The following MATCAP2 variants were observed in gnomAD, a reference collection of about 807,000 sequenced individuals.
MATCAP2 encodes microtubule associated tyrosine carboxypeptidase 2.
At chr7:36,383,793 T>G in the MATCAP2 span, 2 of 1,092,530 alleles carry the variant, frequency 1.8e-6, no homozygotes, top group Non-Finnish European at 2.7e-6. Flanking sequence ...GCACATGTAC[T>G]CCAGAACTTA....
chr7:36,328,244 G>GGA, the MATCAP2 span, among the ~76,000 whole-genome samples: 7 of 128,362 alleles, frequency 5.5e-5, 2 homozygotes, highest in Admixed American at 7.5e-5. Flanking sequence ...TTTTGTAGGG[G>GGA]GGGGGGGTCT....
At chr7:36,368,238 T>A in the MATCAP2 span, 1 of 152,090 alleles carries the variant, frequency 6.6e-6, no homozygotes. Context: ...CAACTGTCAG[T>A]CTTCAGACAG....
the MATCAP2 span, chr7:36,356,564 T>C: frequency 6.8e-6 from 3 of 442,556 alleles, no homozygotes; most frequent in Admixed American, 3.9e-5. Flanking sequence ...AAAAACGTAG[T>C]GTGGGCTACC....
At chr7:36,386,250 C>T in the MATCAP2 span, among the ~76,000 whole-genome samples, 1 of 151,844 alleles carries the variant, frequency 6.6e-6, no homozygotes, top group African/African-American at 2.4e-5. Flanking sequence ...GCTAAGACAA[C>T]TGGTTATCCA....
the MATCAP2 span, among the ~76,000 whole-genome samples, chr7:36,343,102 T>A: frequency 6.6e-6 from 1 of 151,918 alleles, no homozygotes; most frequent in Non-Finnish European, 1.5e-5. Flanking sequence ...ATGAATAATT[T>A]AAAATGGTCC....
the MATCAP2 span, among the ~76,000 whole-genome samples, chr7:36,352,825 CAA>C: frequency 3.1e-4 from 32 of 104,238 alleles, no homozygotes; most frequent in East Asian, 7.2e-4. Flanking sequence ...ACTCCCATCT[CAA>C]AAAAAAAAAA....
the MATCAP2 span, among the ~76,000 whole-genome samples, chr7:36,363,915 G>A: frequency 5.9e-5 from 9 of 152,086 alleles, no homozygotes; most frequent in East Asian, 1.9e-4. Context: ...TAGAAACACC[G>A]CATGGAAAAA....
At chr7:36,340,831 A>G in the MATCAP2 span, among the ~76,000 whole-genome samples, 1 of 152,236 alleles carries the variant, frequency 6.6e-6, no homozygotes, top group African/African-American at 2.4e-5. Flanking sequence ...ATCAGTGAAT[A>G]TTTTGTTACA....
At chr7:36,336,082 T>TAAATA in the MATCAP2 span, 31 of 1,156,072 alleles carry the variant, frequency 2.7e-5, 1 homozygote, top group Middle Eastern at 6.7e-4. Context: ...AAAAATAAAA[T>TAAATA]AAATAAAATA....
At chr7:36,352,954 T>C in the MATCAP2 span, among the ~76,000 whole-genome samples, 5 of 151,984 alleles carry the variant, frequency 3.3e-5, no homozygotes, top group Non-Finnish European at 7.4e-5. Flanking sequence ...TCCCAGAAGG[T>C]GCCTTGTCTA....
chr7:36,379,845 C>CAGAGAG, the MATCAP2 span, among the ~76,000 whole-genome samples: 6 of 125,310 alleles, frequency 4.8e-5, no homozygotes, highest in African/African-American at 1.4e-4. Flanking sequence ...CACACACACA[C>CAGAGAG]ACAGAGAGAG....
the MATCAP2 span, chr7:36,357,378 A>G: frequency 6.2e-7 from 1 of 1,613,996 alleles, no homozygotes; most frequent in South Asian, 1.1e-5. Context: ...CATCTTTTGG[A>G]GTAGGTGGAG....
At chr7:36,367,164 C>G in the MATCAP2 span, 1 of 1,209,718 alleles carries the variant, frequency 8.3e-7, no homozygotes, top group Non-Finnish European at 1.0e-6. Context: ...GGAAGGTACA[C>G]ACGGCGGCCT....
chr7:36,349,968 A>G, the MATCAP2 span, among the ~76,000 whole-genome samples: 1 of 152,220 alleles, frequency 6.6e-6, no homozygotes, highest in Non-Finnish European at 1.5e-5. Flanking sequence ...GGAACATACT[A>G]AACTCAAAAT....
chr7:36,340,009 T>A, the MATCAP2 span, among the ~76,000 whole-genome samples: 1 of 152,114 alleles, frequency 6.6e-6, no homozygotes, highest in Non-Finnish European at 1.5e-5. Context: ...ATTACAGGCA[T>A]CTGCCATCAT....
chr7:36,347,476 A>G, the MATCAP2 span, among the ~76,000 whole-genome samples: 2 of 152,196 alleles, frequency 1.3e-5, no homozygotes, highest in Non-Finnish European at 2.9e-5. Flanking sequence ...AGAAGTCAGA[A>G]GACCTGGTTT....
At chr7:36,332,606 A>G in the MATCAP2 span, among the ~76,000 whole-genome samples, 1 of 152,212 alleles carries the variant, frequency 6.6e-6, no homozygotes, top group Non-Finnish European at 1.5e-5. Context: ...TTGAGTAAGT[A>G]TTTACCAAGC....
the MATCAP2 span, among the ~76,000 whole-genome samples, chr7:36,380,856 A>G: frequency 2.6e-4 from 40 of 152,270 alleles, no homozygotes; most frequent in African/African-American, 9.1e-4. Context: ...TAGCCTCCCA[A>G]GTAGCTGGGA....
chr7:36,340,564 A>C, the MATCAP2 span, among the ~76,000 whole-genome samples: 1 of 152,228 alleles, frequency 6.6e-6, no homozygotes, highest in African/African-American at 2.4e-5. Context: ...TAAATATTAC[A>C]TTATATTCAA....
Sources: gnomAD v4.1 joint callset for allele counts (sites outside exome capture counted in the v4.1 genomes callset) on GRCh38, gnomAD v4.1.1 for gene constraint, MANE v1.5 for transcripts, NCBI Gene and HGNC (gene_info 2026-07-23, HGNC 2026-07-21) for gene names.